The following NRXN3 variants were observed in gnomAD, a reference collection of about 807,000 sequenced individuals.
NRXN3 encodes neurexin 3.
Under a neutral mutation model 137.6 loss-of-function variants are expected in NRXN3, and 32 were observed. That is an observed-to-expected ratio of 0.23 (90% confidence interval 0.18 to 0.31). The LOEUF is 0.31. Ranked by LOEUF, NRXN3 falls within the 10% of genes least tolerant of loss-of-function variation. NRXN3 has a pLI of 1.00. For missense variants in NRXN3, 1,574 were observed against 2,062.5 expected, an observed-to-expected ratio of 0.76 and a Z score of 4.59; for synonymous variants, 798 against 784.5, an observed-to-expected ratio of 1.02 and a Z score of -0.29.
rs576771958 is a variant in NRXN3, at chr14:79,015,979, G to A, written c.3262+27838G>A. ...GGGCACTCTAAAGTGCCTTCCCAGTGTGTAGGAACAGGACTGAAAGGGCCG... is the reference window on the plus strand; with the variant it reads ...GGGCACTCTAAAGTGCCTTCCCAGTATGTAGGAACAGGACTGAAAGGGCCG... On this transcript the variant is annotated intron_variant, in intron 15 of 20. Transcript: ENST00000335750. 8.5e-5 allele frequency among the ~76,000 whole-genome samples: 13 copies of A among 152,282 alleles called. No homozygotes were observed. The South Asian group carries it at 2.7e-3, about 32-fold the overall frequency.
At chr14:78,729,938 C>G (rs1335081949) in intron 8 of NRXN3, among the ~76,000 whole-genome samples, 2 of 152,148 alleles carry the variant, frequency 1.3e-5, no homozygotes, top group South Asian at 2.1e-4. Context: ...AGTTAGAATT[C>G]TGGTTTATTA....
At chr14:79,029,588 AT>A in intron 15 of NRXN3, among the ~76,000 whole-genome samples, 1 of 152,244 alleles carries the variant, frequency 6.6e-6, no homozygotes, top group Non-Finnish European at 1.5e-5. Context: ...TGCCAATGAC[AT>A]TTTTTGACTG....
At position 79,861,549 on chromosome 14, in the gene NRXN3, T is replaced by C; in HGVS notation, c.4301T>C (p.Leu1434Pro). 1 of 1,567,708 alleles carries C rather than the reference T, an allele frequency of 6.4e-7. No homozygotes were observed. The highest frequency in any genetic ancestry group is 8.6e-7 in the Non-Finnish European group (1 of 1,158,574). ...LPAGKMNNRDLKPQPDIVLLP... is the reference protein window; with the variant it reads ...LPAGKMNNRDPKPQPDIVLLP... ...GCTGGCAAAATGAATAACCGTGATC[T>C]CAAACCCCAGCCTGATATAGTCTTG... Residue 1434 changes from leucine (L) to proline (P), a missense_variant, in exon 21 of 21, where the codon CTC becomes CCC. Transcript: ENST00000335750. The surrounding 1 kb of genome is among the most constrained non-coding windows in gnomAD (Gnocchi z 5.4).
chr14:79,450,814 C>T (rs1028330681), intron 15 of NRXN3, among the ~76,000 whole-genome samples: 2 of 151,326 alleles, frequency 1.3e-5, no homozygotes, highest in Non-Finnish European at 2.9e-5. Context: ...TGCAGTGGGC[C>T]GGGCTCACGC....
At chr14:78,562,394 C>T (rs1158633530) in intron 4 of NRXN3, among the ~76,000 whole-genome samples, 9 of 100,242 alleles carry the variant, frequency 9.0e-5, no homozygotes, top group Non-Finnish European at 1.3e-4. Context: ...AGACTTATAT[C>T]TCAAAAAAAA....
At chr14:78,499,400 A>T (rs1333914220) in intron 4 of NRXN3, among the ~76,000 whole-genome samples, 4 of 152,216 alleles carry the variant, frequency 2.6e-5, no homozygotes, top group Non-Finnish European at 5.9e-5. Context: ...ATCTTAATTC[A>T]GCTGATAATC....
chr14:78,311,679 A>T (rs1177059415), intron 4 of NRXN3, among the ~76,000 whole-genome samples: 1 of 152,136 alleles, frequency 6.6e-6, no homozygotes, highest in Non-Finnish European at 1.5e-5. Context: ...TGCCATACTA[A>T]AAATAGTAAT....
intron 17 of NRXN3, among the ~76,000 whole-genome samples, chr14:79,691,536 T>C (rs935814119): frequency 5.3e-5 from 8 of 152,062 alleles, no homozygotes; most frequent in Non-Finnish European, 1.2e-4. Context: ...TCTGGAAAGA[T>C]AGTGATATAA....
intron 4 of NRXN3, among the ~76,000 whole-genome samples, chr14:78,450,758 T>A (rs918192393): frequency 2.6e-5 from 4 of 152,138 alleles, no homozygotes; most frequent in Admixed American, 6.5e-5. Context: ...GCAAAGCCGC[T>A]GTTGATTTTC....
At chr14:78,321,493 G>A (rs7145937) in intron 4 of NRXN3, among the ~76,000 whole-genome samples, 6,335 of 151,870 alleles carry the variant, frequency 0.042, 465 homozygotes, top group East Asian at 0.32. Context: ...CTTTCCTTTC[G>A]TCTTCTCTGC....
chr14:78,238,154 C>T (rs1330416078), intron 1 of NRXN3, among the ~76,000 whole-genome samples: 1 of 122,192 alleles, frequency 8.2e-6, no homozygotes, highest in African/African-American at 3.1e-5. Context: ...CCCCACCACA[C>T]CACCCTGCCC....
intron 4 of NRXN3, among the ~76,000 whole-genome samples, chr14:78,552,320 C>G (rs187547851): frequency 1.3e-4 from 20 of 152,264 alleles, no homozygotes; most frequent in Middle Eastern, 3.4e-3. Context: ...GGTACAGAAT[C>G]CTGGTTATCT....
At chr14:78,440,286 CT>C (rs1172345570) in intron 4 of NRXN3, among the ~76,000 whole-genome samples, 2 of 152,162 alleles carry the variant, frequency 1.3e-5, no homozygotes, top group African/African-American at 4.8e-5. Context: ...CTGCCCACCC[CT>C]GGCACATGAG....
At chr14:78,233,038 C>T (rs925607250) in intron 1 of NRXN3, among the ~76,000 whole-genome samples, 3 of 152,158 alleles carry the variant, frequency 2.0e-5, no homozygotes, top group African/African-American at 7.2e-5. Flanking sequence ...CAGGGTGCAA[C>T]AACTAGGCTA....
At chr14:78,976,383 G>A (rs539159562) in intron 14 of NRXN3, among the ~76,000 whole-genome samples, 6 of 152,244 alleles carry the variant, frequency 3.9e-5, no homozygotes, top group Admixed American at 3.9e-4. Context: ...TTGGATCTGG[G>A]TGCTAAGTGC....
rs1296547660 is a variant in NRXN3, at chr14:78,497,578, CCATT to C, written c.758-147538_758-147535del. ...GTAGTAAATCCATTAATCTGTCTGT[CCATT>C]CATCCATCCATCCATCCATCCATCC... is the stretch of plus-strand genomic sequence containing the variant. On this transcript the variant is annotated intron_variant, in intron 4 of 20. Coordinates refer to ENST00000335750, the MANE Select transcript of NRXN3 (RefSeq NM_001330195.2). Among the ~76,000 whole-genome samples the C allele has an allele frequency of 5.4e-5, 8 of 148,288 alleles. No homozygotes were observed. In the East Asian group the frequency reaches 6.0e-4, roughly 11 times the overall value.
At chr14:79,780,936 G>GA (rs1390216408) in intron 19 of NRXN3, among the ~76,000 whole-genome samples, 3 of 151,968 alleles carry the variant, frequency 2.0e-5, no homozygotes, top group Non-Finnish European at 4.4e-5. Context: ...AAACCCTGTG[G>GA]AAAAAATATT....
chr14:79,328,387 A>C (rs1448745698), intron 15 of NRXN3, among the ~76,000 whole-genome samples: 1 of 152,218 alleles, frequency 6.6e-6, no homozygotes, highest in African/African-American at 2.4e-5. Context: ...TGATCATGTT[A>C]GAATCAGTGT....
At chr14:78,892,772 T>TTGTGTG (rs2099162748) in intron 10 of NRXN3, among the ~76,000 whole-genome samples, 1 of 122,384 alleles carries the variant, frequency 8.2e-6, no homozygotes, top group African/African-American at 3.1e-5. Context: ...TGCCCCCATC[T>TTGTGTG]TCTGTGTGTG....
Sources: allele counts gnomAD v4.1 joint callset (sites outside exome capture counted in the v4.1 genomes callset), GRCh38; gene constraint gnomAD v4.1.1; non-coding constraint Gnocchi (gnomAD v3.1); transcripts MANE v1.5; gene names NCBI Gene and HGNC (gene_info 2026-07-23, HGNC 2026-07-21).